The following ADGRV1 variants were observed in gnomAD, a reference collection of about 807,000 sequenced individuals.
ADGRV1 encodes adhesion G protein-coupled receptor V1, also known as G-protein coupled receptor 98.
ADGRV1 carries 359 observed loss-of-function variants against 596.2 expected under a neutral mutation model. That is an observed-to-expected ratio of 0.60 (90% CI 0.55 to 0.66). The LOEUF is 0.66. ADGRV1 is among the 30% of genes least tolerant of loss of function. ADGRV1 has a pLI of 0.00. For synonymous variants in ADGRV1, 2,681 were observed against 2,679.2 expected, an observed-to-expected ratio of 1.00 and a Z score of -0.02; for missense variants, 7,274 against 7,575.6, an observed-to-expected ratio of 0.96 and a Z score of 1.48.
rs1408950685 is a variant in ADGRV1 at position 90,788,184 on chromosome 5, G to A, written c.13767G>A (p.Val4589=). The change falls in exon 68 of 90, where the codon GTG becomes GTA. Residue 4589 remains valine (V), a synonymous_variant. Coordinates refer to ENST00000405460, the MANE Select transcript of ADGRV1 (RefSeq NM_032119.4). ...ATTTTGGAGAAGGAGAAGGAGGAGT[G>A]AGAACCATAATTCTGACAATCTATC... ...LFYFGEGEGG[V]RTIILTIYPH... The A allele has an allele frequency of 1.2e-6, 2 of 1,613,744 alleles. No homozygotes were observed. Among genetic ancestry groups the A allele is most frequent in the African/African-American group, 2.7e-5 (2 of 74,918 alleles).
At position 90,934,629 on chromosome 5, in the gene ADGRV1, G is replaced by A. The variant is rs1561965822; in HGVS notation, c.17857-30786G>A. On this transcript the variant is annotated intron_variant, in intron 83 of 89. Transcript: ENST00000405460. ...TGTTGTTCCAGACTTTCAATTGTTGGGTCCTTGAGATCACAGGGACCACTG... is the reference window on the plus strand; with the variant it reads ...TGTTGTTCCAGACTTTCAATTGTTGAGTCCTTGAGATCACAGGGACCACTG... Among the ~76,000 whole-genome samples the A allele has an allele frequency of 2.0e-5, 3 of 152,122 alleles. No individual in the cohort carries two copies. The South Asian group carries it at 6.2e-4, about 32-fold the overall frequency.
intron 83 of ADGRV1, among the ~76,000 whole-genome samples, chr5:90,909,256 C>T (rs1772614919): frequency 6.6e-6 from 1 of 152,176 alleles, no homozygotes; most frequent in Non-Finnish European, 1.5e-5. Context: ...GCCCTTTCAC[C>T]AACCCCTGTG....
intron 34 of ADGRV1, among the ~76,000 whole-genome samples, chr5:90,697,432 A>C (rs113994422): frequency 3.3e-5 from 5 of 150,706 alleles, no homozygotes; most frequent in Non-Finnish European, 7.4e-5. Flanking sequence ...AAATGATTCA[A>C]AATATTACTT....
intron 85 of ADGRV1, among the ~76,000 whole-genome samples, chr5:90,987,005 C>A (rs1780549858): frequency 1.3e-5 from 2 of 152,130 alleles, no homozygotes; most frequent in Non-Finnish European, 2.9e-5. Context: ...AAAAAACTAT[C>A]TTGATCCTTT....
At chr5:91,092,240 C>G (rs1318768881) in intron 86 of ADGRV1, among the ~76,000 whole-genome samples, 1 of 152,098 alleles carries the variant, frequency 6.6e-6, no homozygotes, top group Admixed American at 6.5e-5. Context: ...GCTGGGATTA[C>G]AGGTGCCTGC....
chr5:90,704,242 TTTTA>T, intron 35 of ADGRV1, 143 bp from the exon 36 acceptor site: 4 of 610,300 alleles, frequency 6.6e-6, no homozygotes, highest in South Asian at 2.2e-5. Flanking sequence ...TGTCAGTGGT[TTTTA>T]TTTATTTATT....
intron 50 of ADGRV1, among the ~76,000 whole-genome samples, chr5:90,739,138 CTGTT>C (rs963144339): frequency 4.0e-5 from 6 of 151,574 alleles, no homozygotes; most frequent in Admixed American, 2.6e-4. Flanking sequence ...TCTAGCGTTT[CTGTT>C]TGTTTTTTTG....
chr5:91,068,817 A>T (rs540418658), intron 85 of ADGRV1, among the ~76,000 whole-genome samples: 303 of 151,058 alleles, frequency 2.0e-3, no homozygotes, highest in African/African-American at 7.2e-3. Flanking sequence ...AAAAAAAAAA[A>T]TAGCCTGAAT....
chr5:90,677,286 T>C (rs1255255457), intron 25 of ADGRV1, among the ~76,000 whole-genome samples: 1 of 152,192 alleles, frequency 6.6e-6, no homozygotes, highest in Non-Finnish European at 1.5e-5. Context: ...TTTTCTTTCC[T>C]GTGTTCCCAA....
chr5:90,983,753 T>C (rs1353607462), intron 84 of ADGRV1, among the ~76,000 whole-genome samples: 1 of 152,204 alleles, frequency 6.6e-6, no homozygotes, highest in Non-Finnish European at 1.5e-5. Context: ...TAATTACAGA[T>C]ATAAGCAGAT....
intron 86 of ADGRV1, among the ~76,000 whole-genome samples, chr5:91,075,771 C>T (rs1788801452): frequency 6.6e-6 from 1 of 152,068 alleles, no homozygotes; most frequent in African/African-American, 2.4e-5. Flanking sequence ...TTTTCTCATT[C>T]TCCAGCATTT....
At chr5:90,666,496 G>A (rs1483658321) in intron 21 of ADGRV1, among the ~76,000 whole-genome samples, 1 of 150,148 alleles carries the variant, frequency 6.7e-6, no homozygotes, top group Non-Finnish European at 1.5e-5. Context: ...TTTATTTTGA[G>A]CCTATGTGTG....
rs1291661071 is a variant in ADGRV1 at position 90,642,992 on chromosome 5, A to G, written c.2504A>G (p.Glu835Gly). The G allele has an allele frequency of 6.2e-7, 1 of 1,613,588 alleles. No individual in the cohort carries two copies. Among genetic ancestry groups the G allele is most frequent in the Admixed American group, 1.7e-5 (1 of 59,992 alleles). ...GGAGTACTAGAATTTAAACCTGGAG[A>G]AAGGGAGATAGTGATCACCTTGCTA... Reference protein sequence around the residue: ...NTGVLEFKPGEREIVITLLAR... With the variant: ...NTGVLEFKPGGREIVITLLAR... The change falls in exon 13 of 90, where the codon GAA becomes GGA. Residue 835 changes from glutamate (E) to glycine (G), a missense_variant. Around this residue, in one of 5 missense-constraint regions of ADGRV1, gnomAD observed 1,715 missense variants for 1,708.8 expected, o/e 1.00. Transcript: ENST00000405460.
chr5:91,163,960 A>G lies in ADGRV1; in HGVS notation c.*60A>G, dbSNP rs41311627. 0.023 allele frequency: 18,221 copies of G among 808,928 alleles called. 935 individuals are homozygous for G. The highest frequency in any genetic ancestry group is 0.13 in the African/African-American group (7,549 of 59,082). 50.1% of individuals were successfully genotyped at this position (808,928 alleles called of 1,614,324 possible). A position where few individuals can be genotyped will look rare whatever the true frequency, so the allele number is the denominator to read the frequency against. ...TATTTGTATCAGCTTTTGTGCTAAA[A>G]CTCTCTAAGTACATCCACCTGTGTA... On this transcript the variant is annotated 3_prime_UTR_variant, in exon 90 of 90. Coordinates refer to ENST00000405460, the MANE Select transcript of ADGRV1 (RefSeq NM_032119.4).
At chr5:90,639,184 C>T (rs1446821930) in intron 11 of ADGRV1, among the ~76,000 whole-genome samples, 2 of 151,738 alleles carry the variant, frequency 1.3e-5, no homozygotes, top group East Asian at 1.9e-4. Flanking sequence ...GTATTTCATA[C>T]GATGAAAAAA....
At chr5:91,031,351 T>A in intron 85 of ADGRV1, 1 of 1,251,346 alleles carries the variant, frequency 8.0e-7, no homozygotes, top group South Asian at 1.2e-5. Context: ...CTCCAATCTA[T>A]CTCATCCGCT....
chr5:91,016,700 A>T (rs749203591), intron 85 of ADGRV1, among the ~76,000 whole-genome samples: 6 of 151,944 alleles, frequency 3.9e-5, no homozygotes, highest in Non-Finnish European at 8.8e-5. Flanking sequence ...TTAAAATGGA[A>T]TAAAAGATAA....
At chr5:90,804,786 A>T (rs1234064443) in intron 71 of ADGRV1, 4 of 152,088 alleles carry the variant, frequency 2.6e-5, no homozygotes, top group African/African-American at 4.8e-5. Flanking sequence ...AAAGATGGGT[A>T]TTAAAAAAAA....
intron 1 of ADGRV1, among the ~76,000 whole-genome samples, chr5:90,593,048 C>T (rs1759730914): frequency 6.6e-6 from 1 of 152,136 alleles, no homozygotes; most frequent in East Asian, 1.9e-4. Flanking sequence ...GGTGATTCCT[C>T]AAGGACCTAG....
Sources: gnomAD v4.1 joint callset for allele counts (sites outside exome capture counted in the v4.1 genomes callset) on GRCh38, gnomAD v4.1.1 for gene constraint, gnomAD v4.1.1 regional missense constraint, MANE v1.5 for transcripts, NCBI Gene and HGNC (gene_info 2026-07-23, HGNC 2026-07-21) for gene names.